Variants in B3GALNT2 observed in about 807,000 individuals in gnomAD.
The protein encoded by B3GALNT2 is UDP-GalNAc:beta-1,3-N-acetylgalactosaminyltransferase 2.
In B3GALNT2, 53 loss-of-function variants were observed where a neutral mutation model predicts 61.1. The ratio of observed to expected loss-of-function variants is 0.87; its 90% CI spans 0.70 to 1.09. The LOEUF is 1.09. B3GALNT2 is among the 50% of genes least tolerant of loss of function. The pLI is 0.00. For missense variants in B3GALNT2, 544 were observed against 623.0 expected (o/e 0.87, Z 1.35); for synonymous variants, 223 against 237.4 (o/e 0.94, Z 0.56).
Position 235,454,143 on chromosome 1 carries a change from A to G in B3GALNT2, c.1311+13T>C. On this transcript the variant is annotated intron_variant, in intron 10 of 11. Coordinates refer to ENST00000366600, the MANE Select transcript of B3GALNT2 (RefSeq NM_152490.5). ...CAAGAGCCACCACGCCAAGCTAAGAAATTCTTAATTACCTGATAGGTCTTT... is the reference window on the plus strand; with the variant it reads ...CAAGAGCCACCACGCCAAGCTAAGAGATTCTTAATTACCTGATAGGTCTTT... 6.3e-7 allele frequency: 1 copy of G among 1,586,404 alleles called. No homozygotes were observed. Among genetic ancestry groups the G allele is most frequent in the Non-Finnish European group, 8.6e-7 (1 of 1,165,310 alleles).
intron 5 of B3GALNT2, among the ~76,000 whole-genome samples, chr1:235,477,173 C>T (rs1399938744): frequency 6.6e-6 from 1 of 152,064 alleles, no homozygotes; most frequent in African/African-American, 2.4e-5. Context: ...AAGGTTAACC[C>T]CTCTCCCCCA....
downstream of B3GALNT2, among the ~76,000 whole-genome samples, chr1:235,447,001 A>T (rs1682383158): frequency 6.6e-6 from 1 of 151,968 alleles, no homozygotes; most frequent in Non-Finnish European, 1.5e-5. Context: ...TTATGACCAA[A>T]CTTTTTGTTT....
chr1:235,480,020 A>C (rs201011292), intron 5 of B3GALNT2, 34 bp downstream of exon 5: 3 of 1,612,066 alleles, frequency 1.9e-6, no homozygotes, highest in Non-Finnish European at 2.5e-6. Context: ...GAAGGACTGC[A>C]TTGGTACTAC....
In B3GALNT2 at chr1:235,449,125, A is replaced by AAAC; in HGVS notation, c.*1078_*1080dup. 7.1e-6 allele frequency: 2 copies of AAAC among 281,896 alleles called. No individual in the cohort carries two copies. Among genetic ancestry groups the AAAC allele is most frequent in the South Asian group, 7.3e-5 (2 of 27,402 alleles). The allele number at this position is 281,896 out of a possible 1,614,324, so 17.5% of individuals were successfully genotyped here. A position where few individuals can be genotyped will look rare whatever the true frequency, so the allele number is the denominator to read the frequency against. On this transcript the variant is annotated 3_prime_UTR_variant, in exon 12 of 12. Transcript: ENST00000366600. Reference sequence around the variant, plus strand: ...CTAGTTTTAATGGAATTCTCTATTGAAACTACTATTTTAAAGGGTTACTAG... The same window carrying AAAC: ...CTAGTTTTAATGGAATTCTCTATTGAAACAACTACTATTTTAAAGGGTTACTAG...
At chr1:235,446,197 A>G (rs1232850753), downstream of B3GALNT2, among the ~76,000 whole-genome samples, 1 of 150,916 alleles carries the variant, frequency 6.6e-6, no homozygotes, top group Non-Finnish European at 1.5e-5. Context: ...TTTTTTTGAG[A>G]CGGAGTCTCA....
chr1:235,449,930 T>G lies in B3GALNT2; in HGVS notation c.*276A>C. On this transcript the variant is annotated 3_prime_UTR_variant, in exon 12 of 12. Transcript: ENST00000366600. ...CTAATTAGCCACAATGCATCAGGATTTAGAAATATTTTTTCTTTTATAAAA... is the reference window on the plus strand; with the variant it reads ...CTAATTAGCCACAATGCATCAGGATGTAGAAATATTTTTTCTTTTATAAAA... The G allele has an allele frequency of 3.4e-6, 1 of 297,320 alleles. No homozygotes were observed. The allele number at this position is 297,320 out of a possible 1,614,324, so 18.4% of individuals were successfully genotyped here.
intron 7 of B3GALNT2, among the ~76,000 whole-genome samples, chr1:235,461,355 A>G (rs1212252896): frequency 6.6e-6 from 1 of 152,136 alleles, no homozygotes; most frequent in Non-Finnish European, 1.5e-5. Context: ...CTAAAGATTC[A>G]GTAGGTCTGG....
At chr1:235,499,177 T>A (rs1166057294) in intron 1 of B3GALNT2, among the ~76,000 whole-genome samples, 1 of 152,206 alleles carries the variant, frequency 6.6e-6, no homozygotes, top group Non-Finnish European at 1.5e-5. Context: ...TCATTAAACA[T>A]TATTCTATTA....
At chr1:235,479,333 C>A (rs1231403254) in intron 5 of B3GALNT2, 2 of 152,054 alleles carry the variant, frequency 1.3e-5, no homozygotes, top group South Asian at 4.2e-4. Flanking sequence ...GGAAACTGAC[C>A]CCGATTGTGG....
chr1:235,445,910 C>T (rs1250286003), downstream of B3GALNT2, among the ~76,000 whole-genome samples: 4 of 152,284 alleles, frequency 2.6e-5, no homozygotes, highest in African/African-American at 7.2e-5. Context: ...AAGGCACTGT[C>T]GTGTGTCACC....
chr1:235,473,228 C>T (rs1684086394), intron 5 of B3GALNT2, among the ~76,000 whole-genome samples: 1 of 152,172 alleles, frequency 6.6e-6, no homozygotes, highest in Non-Finnish European at 1.5e-5. Flanking sequence ...TCCTTTCTTT[C>T]CTTTTTTAAA....
rs528197044 is a variant in B3GALNT2, at chr1:235,448,887, A to G, written c.*1319T>C. On this transcript the variant is annotated 3_prime_UTR_variant, in exon 12 of 12. Coordinates refer to ENST00000366600, the MANE Select transcript of B3GALNT2 (RefSeq NM_152490.5). ...GGGTTTACAACTTGTCCTAAGTATA[A>G]CAAGGGATGTATTTTTTGTTGGGAA... The G allele has an allele frequency of 1.5e-4, 113 of 753,378 alleles. No homozygotes were observed. Among genetic ancestry groups the G allele is most frequent in the Non-Finnish European group, 2.3e-4 (102 of 434,416 alleles). 46.7% of individuals were successfully genotyped at this position (753,378 alleles called of 1,614,324 possible).
chr1:235,485,305 T>G (rs566647472), intron 3 of B3GALNT2, among the ~76,000 whole-genome samples: 26 of 152,296 alleles, frequency 1.7e-4, no homozygotes, highest in Non-Finnish European at 2.6e-4. Context: ...GCCAAAACAG[T>G]TCAAATAATT....
the B3GALNT2 span, chr1:235,440,990 C>T: frequency 1.3e-5 from 2 of 152,194 alleles, no homozygotes; most frequent in South Asian, 2.1e-4. Flanking sequence ...GCTGCATAAA[C>T]GCTTCAGGCT....
chr1:235,451,834 G>T (rs2102965557), intron 11 of B3GALNT2: 1 of 152,264 alleles, frequency 6.6e-6, no homozygotes, highest in East Asian at 1.9e-4. Flanking sequence ...AGCCAGCTTT[G>T]TGCTTGATTT....
chr1:235,494,834 A>T lies in B3GALNT2; in HGVS notation c.113-6T>A. ...AGGAAATAAGGCCAACTGATCTAGA[A>T]ATAAGAACAATACATGAGAAATAAG... On this transcript the variant is annotated splice_polypyrimidine_tract_variant and splice_region_variant and intron_variant, in intron 1 of 11. Transcript: ENST00000366600. 1 of 1,593,588 alleles carries T rather than the reference A, an allele frequency of 6.3e-7. No individual in the cohort carries two copies. The highest frequency in any genetic ancestry group is 8.6e-7 in the Non-Finnish European group (1 of 1,162,628).
At chr1:235,457,998 C>T (rs1299971514) in intron 8 of B3GALNT2, among the ~76,000 whole-genome samples, 1 of 151,256 alleles carries the variant, frequency 6.6e-6, no homozygotes, top group East Asian at 1.9e-4. Flanking sequence ...CCTCCGCCTT[C>T]TGGGTTCAAG....
chr1:235,500,126 T>C (rs1685520313), intron 1 of B3GALNT2, among the ~76,000 whole-genome samples: 2 of 152,164 alleles, frequency 1.3e-5, no homozygotes, highest in African/African-American at 4.8e-5. Flanking sequence ...CTTTTCTTAA[T>C]ATGTAATATA....
At chr1:235,500,458 C>T (rs561710825) in intron 1 of B3GALNT2, among the ~76,000 whole-genome samples, 13 of 152,138 alleles carry the variant, frequency 8.5e-5, no homozygotes, top group African/African-American at 2.2e-4. Flanking sequence ...CCAGCCTGGG[C>T]GACAGAGTGA....
Sources: gnomAD v4.1 joint callset for allele counts (sites outside exome capture counted in the v4.1 genomes callset) on GRCh38, gnomAD v4.1.1 for gene constraint, MANE v1.5 for transcripts, NCBI Gene and HGNC (gene_info 2026-07-23, HGNC 2026-07-21) for gene names.